ATP10B: variants seen among roughly 807,000 people sequenced by gnomAD.
ATP10B encodes ATPase phospholipid transporting 10B (putative).
Under a neutral mutation model 141.2 loss-of-function variants are expected in ATP10B, and 122 were observed. The ratio of observed to expected loss-of-function variants is 0.86; its 90% CI spans 0.75 to 1.00. ATP10B has a LOEUF of 1.00. Ranked by LOEUF, ATP10B falls within the 50% of genes least tolerant of loss-of-function variation. ATP10B has a pLI of 0.00. For synonymous variants in ATP10B, 685 were observed against 692.0 expected, an observed-to-expected ratio of 0.99 and a Z score of 0.16; for missense variants, 1,876 against 1,825.3, an observed-to-expected ratio of 1.03 and a Z score of -0.51.
At chr5:160,746,100 T>C (rs1767787762) in intron 2 of ATP10B, among the ~76,000 whole-genome samples, 1 of 152,244 alleles carries the variant, frequency 6.6e-6, no homozygotes, top group Non-Finnish European at 1.5e-5. Flanking sequence ...ATATGCATTA[T>C]TGATTAGCTG....
chr5:160,862,570 C>A, the ATP10B span, among the ~76,000 whole-genome samples: 1 of 151,954 alleles, frequency 6.6e-6, no homozygotes, highest in Non-Finnish European at 1.5e-5. Context: ...ATACAGTATT[C>A]TTTATAAAGC....
At chr5:160,675,875 G>A (rs962340500) in intron 6 of ATP10B, among the ~76,000 whole-genome samples, 1 of 151,872 alleles carries the variant, frequency 6.6e-6, no homozygotes. Flanking sequence ...AGGGGGGTGG[G>A]GGAGGGGGGG....
At chr5:160,923,186 T>G in the ATP10B span, among the ~76,000 whole-genome samples, 1 of 152,186 alleles carries the variant, frequency 6.6e-6, no homozygotes, top group Non-Finnish European at 1.5e-5. Context: ...TTGACAAGGC[T>G]TGAAAACATG....
chr5:160,784,750 G>A (rs2127892154), intron 2 of ATP10B, among the ~76,000 whole-genome samples: 1 of 152,212 alleles, frequency 6.6e-6, no homozygotes, highest in African/African-American at 2.4e-5. Context: ...GAGTATGTGA[G>A]GTCTTAGAAC....
chr5:160,805,902 CTG>C (rs1316179954), intron 1 of ATP10B, among the ~76,000 whole-genome samples: 1 of 152,168 alleles, frequency 6.6e-6, no homozygotes, highest in Non-Finnish European at 1.5e-5. Context: ...GTCCTGCAAT[CTG>C]TCATCTGCAA....
intron 3 of ATP10B, among the ~76,000 whole-genome samples, chr5:160,715,114 A>G (rs932901822): frequency 2.1e-4 from 31 of 148,474 alleles, no homozygotes; most frequent in Non-Finnish European, 4.3e-4. Context: ...AGAGGCAGGC[A>G]GGCCTCCTTG....
chr5:160,679,973 C>G (rs910037149), intron 6 of ATP10B, among the ~76,000 whole-genome samples: 1 of 152,158 alleles, frequency 6.6e-6, no homozygotes, highest in East Asian at 1.9e-4. Context: ...AATCTCTCCT[C>G]GAAGTCATTC....
intron 10 of ATP10B, among the ~76,000 whole-genome samples, chr5:160,639,380 C>T (rs1371801384): frequency 6.6e-6 from 1 of 152,150 alleles, no homozygotes; most frequent in East Asian, 1.9e-4. Context: ...AGGATTAGGT[C>T]ATAGATCTTG....
At chr5:160,802,889 C>T (rs912575985) in intron 1 of ATP10B, among the ~76,000 whole-genome samples, 5 of 152,142 alleles carry the variant, frequency 3.3e-5, no homozygotes, top group South Asian at 2.1e-4. Flanking sequence ...TTCAGTTTCA[C>T]GATTCTTCAT....
chr5:160,928,109 A>C, the ATP10B span, among the ~76,000 whole-genome samples: 1 of 152,174 alleles, frequency 6.6e-6, no homozygotes, highest in East Asian at 1.9e-4. Flanking sequence ...TCATGAGTCC[A>C]GTGAACCATG....
chr5:160,796,639 G>A (rs1247443258), intron 1 of ATP10B, among the ~76,000 whole-genome samples: 1 of 152,140 alleles, frequency 6.6e-6, no homozygotes, highest in Non-Finnish European at 1.5e-5. Flanking sequence ...CCTCCAGGAG[G>A]GCATTTGATT....
At chr5:160,853,151 A>T (rs1469035245), upstream of ATP10B, among the ~76,000 whole-genome samples, 1 of 152,190 alleles carries the variant, frequency 6.6e-6, no homozygotes, top group East Asian at 1.9e-4. Context: ...ACAAGCTAGG[A>T]ATTTTTAAGA....
intron 24 of ATP10B, among the ~76,000 whole-genome samples, chr5:160,581,815 T>A (rs1755573571): frequency 6.6e-6 from 1 of 152,224 alleles, no homozygotes; most frequent in South Asian, 2.1e-4. Context: ...AGAACTTGAT[T>A]TATGAATCTG....
chr5:160,791,271 T>C (rs552736398), intron 1 of ATP10B, among the ~76,000 whole-genome samples: 1 of 152,300 alleles, frequency 6.6e-6, no homozygotes, highest in South Asian at 2.1e-4. Context: ...GTGTTGTTTT[T>C]AGCTTCTAAG....
chr5:160,793,857 C>T (rs920691802), intron 1 of ATP10B, among the ~76,000 whole-genome samples: 14 of 152,256 alleles, frequency 9.2e-5, no homozygotes, highest in African/African-American at 1.9e-4. Context: ...TATTTAGATA[C>T]ACAAATACCA....
the ATP10B span, among the ~76,000 whole-genome samples, chr5:160,864,556 A>C: frequency 4.6e-5 from 7 of 151,946 alleles, no homozygotes; most frequent in African/African-American, 1.7e-4. Flanking sequence ...TCGACATAGT[A>C]CTAGAAGTTC....
the ATP10B span, among the ~76,000 whole-genome samples, chr5:160,871,366 G>A: frequency 1.3e-5 from 2 of 151,996 alleles, no homozygotes; most frequent in African/African-American, 4.8e-5. Context: ...AAGAGGTATA[G>A]TGTTATTTTT....
the ATP10B span, among the ~76,000 whole-genome samples, chr5:160,880,874 G>T: frequency 6.6e-6 from 1 of 152,142 alleles, no homozygotes; most frequent in Non-Finnish European, 1.5e-5. Context: ...ATGACCCCAG[G>T]TATGGTGATG....
intron 7 of ATP10B, among the ~76,000 whole-genome samples, chr5:160,661,467 A>G (rs1463567258): frequency 2.6e-5 from 4 of 152,224 alleles, no homozygotes; most frequent in Non-Finnish European, 5.9e-5. Context: ...TAAAAATCCT[A>G]TCCTTCAGAG....
Sources: gnomAD v4.1 joint callset for allele counts (sites outside exome capture counted in the v4.1 genomes callset) on GRCh38, gnomAD v4.1.1 for gene constraint, MANE v1.5 for transcripts, NCBI Gene and HGNC (gene_info 2026-07-23, HGNC 2026-07-21) for gene names.